The following DMD variants were observed in gnomAD, a reference collection of about 807,000 sequenced individuals.
The protein encoded by DMD is dystrophin, also known as mutant dystrophin.
Under a neutral mutation model 330.1 loss-of-function variants are expected in DMD, and 63 were observed. The ratio of observed to expected loss-of-function variants is 0.19; its 90% CI spans 0.16 to 0.24. DMD has a LOEUF of 0.24. DMD is among the 10% of genes least tolerant of loss of function. DMD has a pLI of 1.00. For synonymous variants in DMD, 1,223 were observed against 959.8 expected, an observed-to-expected ratio of 1.27 and a Z score of -5.07; for missense variants, 3,344 against 2,684.1, an observed-to-expected ratio of 1.25 and a Z score of -5.43.
chrX:31,260,729 G>A (rs1223048089), intron 63 of DMD, among the ~76,000 whole-genome samples: 1 of 111,415 alleles, frequency 9.0e-6, no homozygotes, highest in Non-Finnish European at 1.9e-5. Context: ...GGCCCTCTCA[G>A]GTATATTGAA....
At chrX:32,608,317 G>T (rs1003126927) in intron 12 of DMD, among the ~76,000 whole-genome samples, 1 of 110,317 alleles carries the variant, frequency 9.1e-6, no homozygotes, top group Non-Finnish European at 1.9e-5. Flanking sequence ...TTTAAAAATT[G>T]TAACTGAATA....
intron 34 of DMD, among the ~76,000 whole-genome samples, chrX:32,379,041 A>T (rs1371203614): frequency 5.3e-5 from 1 of 18,830 alleles, no homozygotes; most frequent in Non-Finnish European, 9.2e-5. Context: ...ATAAATTGGT[A>T]AAAAAAAAAA....
chrX:32,512,174 G>C (rs953069672), intron 18 of DMD, among the ~76,000 whole-genome samples: 2 of 112,144 alleles, frequency 1.8e-5, no homozygotes, highest in African/African-American at 6.5e-5. Context: ...TCCTCAATAA[G>C]TTGATTAAAA....
chrX:32,324,138 G>A (rs2097637499), intron 41 of DMD, among the ~76,000 whole-genome samples: 1 of 110,939 alleles, frequency 9.0e-6, no homozygotes, highest in African/African-American at 3.3e-5. Flanking sequence ...ACCTAGAAGA[G>A]AGGAGTTGAA....
chrX:32,777,285 G>GGGGGGGT (rs2074274945), intron 7 of DMD, among the ~76,000 whole-genome samples: 2 of 52,733 alleles, frequency 3.8e-5, no homozygotes, highest in Non-Finnish European at 7.2e-5. Flanking sequence ...GTTGGGGGGG[G>GGGGGGGT]AATCCTACCA....
In DMD at chrX:32,230,679, TTC is replaced by T. The variant is rs1228048454; in HGVS notation, c.6291-13618_6291-13617del. Among the ~76,000 whole-genome samples the T allele has an allele frequency of 1.2e-4, 14 of 112,259 alleles. No homozygotes were observed. In the Admixed American group the frequency reaches 1.3e-3, roughly 11 times the overall value. On this transcript the variant is annotated intron_variant, in intron 43 of 78. Coordinates refer to ENST00000357033, the MANE Select transcript of DMD (RefSeq NM_004006.3). ...AAGACAAGCAAACGTGAGTTTGAAA[TTC>T]TGTTTTATTGCCTAACAGTGCTTTG...
chrX:32,293,833 C>G (rs5927956), intron 42 of DMD, among the ~76,000 whole-genome samples: 4,671 of 111,517 alleles, frequency 0.042, 157 homozygotes, highest in East Asian at 0.29. Flanking sequence ...CTAAAATACA[C>G]TTGAAATTAT....
intron 60 of DMD, among the ~76,000 whole-genome samples, chrX:31,420,771 G>A (rs1287617220): frequency 8.9e-6 from 1 of 112,421 alleles, no homozygotes; most frequent in African/African-American, 3.2e-5. Context: ...CAACTTGTGA[G>A]TTGCTGATAC....
At chrX:32,528,804 T>C (rs776952402) in intron 17 of DMD, among the ~76,000 whole-genome samples, 38 of 109,712 alleles carry the variant, frequency 3.5e-4, no homozygotes, top group Non-Finnish European at 5.3e-4. Context: ...TTAGACAAAC[T>C]CAACCAATTG....
At chrX:32,229,681 C>CATATATATATATAT (rs55916475) in intron 43 of DMD, among the ~76,000 whole-genome samples, 7 of 24,334 alleles carry the variant, frequency 2.9e-4, no homozygotes, top group Non-Finnish European at 4.3e-4. Flanking sequence ...AGAGTTTCAT[C>CATATATATATATAT]ATATATATAT....
chrX:32,535,919 A>T (rs779684893), intron 17 of DMD, among the ~76,000 whole-genome samples: 1 of 111,670 alleles, frequency 9.0e-6, no homozygotes, highest in Non-Finnish European at 1.9e-5. Flanking sequence ...CAGGCATGCA[A>T]AAATAAAGTC....
chrX:31,642,087 G>A lies in DMD; in HGVS notation c.8028-14225C>T, dbSNP rs752646154. Among the ~76,000 whole-genome samples, 6 of 111,343 alleles carry A rather than the reference G, an allele frequency of 5.4e-5. No individual in the cohort carries two copies. The East Asian group carries it at 1.4e-3, about 26-fold the overall frequency. On this transcript the variant is annotated intron_variant, in intron 54 of 78. Coordinates refer to ENST00000357033, the MANE Select transcript of DMD (RefSeq NM_004006.3). The stretch of plus-strand genomic sequence containing the variant: ...TAAATCTTTGACAGTTCTTAATGTT[G>A]AGAAAAATAAAAATATCCTCACGAA...
intron 44 of DMD, among the ~76,000 whole-genome samples, chrX:32,111,636 C>G (rs1402616120): frequency 9.0e-6 from 1 of 111,551 alleles, no homozygotes; most frequent in Non-Finnish European, 1.9e-5. Flanking sequence ...AAATTTAGAG[C>G]TTGCTACCAC....
rs954231884 is a variant in DMD, at chrX:32,428,183, A to T, written c.4071+10058T>A. 1.7e-4 allele frequency among the ~76,000 whole-genome samples: 19 copies of T among 111,326 alleles called. No homozygotes were observed. The Admixed American group carries it at 1.8e-3, about 11-fold the overall frequency. On this transcript the variant is annotated intron_variant, in intron 29 of 78. Coordinates refer to ENST00000357033, the MANE Select transcript of DMD (RefSeq NM_004006.3). ...AGTTTTCAGCCCTTCCGTCTCTTCT[A>T]CAAAAATTAACAGGAACCAATTAGT...
At position 32,573,574 on chromosome X, in the gene DMD, A is replaced by T. The variant is rs1438861949; in HGVS notation, c.1768T>A (p.Phe590Ile). Residue 590 changes from phenylalanine (F) to isoleucine (I), a missense_variant, in exon 15 of 79, where the codon TTT becomes ATT. Transcript: ENST00000357033. Reference protein sequence around the residue: ...DAVNKIHTTGFKDQNEMLSSL... With the variant: ...DAVNKIHTTGIKDQNEMLSSL... The stretch of plus-strand genomic sequence containing the variant: ...GATAACATTTCATTTTGATCTTTAA[A>T]GCCAGTTGTGTGAATCTTGTTCACT... 3.3e-6 allele frequency: 4 copies of T among 1,212,122 alleles called. No individual in the cohort carries two copies. The highest frequency in any genetic ancestry group is 4.5e-6 in the Non-Finnish European group (4 of 895,515).
At chrX:32,560,653 T>C (rs1249188540) in intron 16 of DMD, among the ~76,000 whole-genome samples, 4 of 111,445 alleles carry the variant, frequency 3.6e-5, no homozygotes, top group Non-Finnish European at 5.6e-5. Flanking sequence ...TGTGTTCCCA[T>C]TGTTCAGCTC....
chrX:31,881,504 A>G (rs1397620007), intron 47 of DMD, among the ~76,000 whole-genome samples: 2 of 111,804 alleles, frequency 1.8e-5, no homozygotes, highest in Non-Finnish European at 3.8e-5. Flanking sequence ...TAGATTTCAC[A>G]TTTGCTCACC....
intron 60 of DMD, among the ~76,000 whole-genome samples, chrX:31,377,177 CG>C (rs964969861): frequency 4.2e-4 from 47 of 111,516 alleles, no homozygotes; most frequent in Non-Finnish European, 3.2e-4. Context: ...CGGGAGGTGG[CG>C]GGGGGAATTG....
At chrX:32,038,832 A>T (rs1391220564) in intron 44 of DMD, among the ~76,000 whole-genome samples, 1 of 111,688 alleles carries the variant, frequency 9.0e-6, no homozygotes, top group Non-Finnish European at 1.9e-5. Flanking sequence ...GCTAAAATCA[A>T]ATTTTAAAAT....
Sources: gnomAD v4.1 joint callset for allele counts (sites outside exome capture counted in the v4.1 genomes callset) on GRCh38, gnomAD v4.1.1 for gene constraint, MANE v1.5 for transcripts, NCBI Gene and HGNC (gene_info 2026-07-23, HGNC 2026-07-21) for gene names.